Variants in FAM169A observed in about 807,000 individuals in gnomAD.
FAM169A encodes family with sequence similarity 169 member A.
FAM169A carries 24 observed loss-of-function variants against 75.7 expected under a neutral mutation model. That is an observed-to-expected ratio of 0.32 (90% CI 0.23 to 0.45). FAM169A has a LOEUF of 0.45. FAM169A is among the 20% of genes least tolerant of loss of function. The probability of loss-of-function intolerance (pLI) is 1.00; values close to 1 mark genes in which losing one functional copy is unlikely to be tolerated. For missense variants in FAM169A, 673 were observed against 784.0 expected, an observed-to-expected ratio of 0.86 and a Z score of 1.69; for synonymous variants, 271 against 271.0, an observed-to-expected ratio of 1.00 and a Z score of 0.00.
At chr5:74,795,957 C>A in intron 11 of FAM169A, 73 bp downstream of exon 11, 2 of 1,476,546 alleles carry the variant, frequency 1.4e-6, no homozygotes, top group Non-Finnish European at 1.8e-6. Flanking sequence ...CTATACTTTT[C>A]TAACAACATG....
intron 5 of FAM169A, among the ~76,000 whole-genome samples, chr5:74,829,678 C>T (rs530063932): frequency 5.6e-4 from 85 of 152,062 alleles, no homozygotes; most frequent in Non-Finnish European, 9.4e-4. Context: ...TTAAACGACC[C>T]TTTACAAGAA....
At chr5:74,844,219 G>A (rs1749029795) in intron 1 of FAM169A, among the ~76,000 whole-genome samples, 2 of 152,160 alleles carry the variant, frequency 1.3e-5, no homozygotes, top group African/African-American at 4.8e-5. Flanking sequence ...CACTTTGGGA[G>A]GCCAAGGAGG....
At chr5:74,791,316 G>A (rs1178161591) in intron 11 of FAM169A, among the ~76,000 whole-genome samples, 1 of 152,226 alleles carries the variant, frequency 6.6e-6, no homozygotes, top group Non-Finnish European at 1.5e-5. Context: ...CAGGAATCCA[G>A]GGGTAAAAGT....
chr5:74,804,604 T>C lies in FAM169A; in HGVS notation c.801A>G (p.Ala267=). The change falls in exon 8 of 13, where the codon GCA becomes GCG. Residue 267 remains alanine (A), a splice_region_variant and synonymous_variant. Transcript: ENST00000687041. The stretch of plus-strand genomic sequence containing the variant: ...GTCTTTTAGGTTCATTTTGAGAAAG[T>C]GCTGCGTATAGAAGAATTTTAAAAA... ...ALQREALKIL[A]LSQNEPKRPM... 1 of 1,549,590 alleles carries C rather than the reference T, an allele frequency of 6.5e-7. No homozygotes were observed. Among genetic ancestry groups the C allele is most frequent in the Non-Finnish European group, 8.9e-7 (1 of 1,124,290 alleles).
At chr5:74,830,778 CTACT>C (rs766610561) in intron 5 of FAM169A, among the ~76,000 whole-genome samples, 2 of 151,888 alleles carry the variant, frequency 1.3e-5, no homozygotes, top group Non-Finnish European at 2.9e-5. Context: ...GAAAATTAAC[CTACT>C]AAGAATAAAT....
At chr5:74,826,820 A>G (rs1748054167) in intron 5 of FAM169A, among the ~76,000 whole-genome samples, 1 of 152,186 alleles carries the variant, frequency 6.6e-6, no homozygotes, top group Non-Finnish European at 1.5e-5. Flanking sequence ...CAAATTTCAC[A>G]CATTATTCCA....
In FAM169A at chr5:74,796,163, G is replaced by A. The variant is rs1408787197; in HGVS notation, c.1127C>T (p.Ser376Leu). ...INKLESTARPSESSEEFLEEE... is the reference protein window; with the variant it reads ...INKLESTARPLESSEEFLEEE... ...TTCCAGGAATTCTTCTGAGCTCTCT[G>A]ATGGGCGTGCAGTAGACTCCAATCT... Residue 376 changes from serine to leucine, a missense_variant, in exon 11 of 13, where the codon TCA becomes TTA. Ser to Leu is a moderately radical substitution (Grantham distance 145). Coordinates refer to ENST00000687041, the MANE Select transcript of FAM169A (RefSeq NM_001376049.1). 2 of 1,613,592 alleles carry A rather than the reference G, an allele frequency of 1.2e-6. No homozygotes were observed. The highest frequency in any genetic ancestry group is 2.2e-5 in the East Asian group (1 of 44,868).
intron 1 of FAM169A, among the ~76,000 whole-genome samples, chr5:74,855,672 T>A (rs137942047): frequency 1.3e-5 from 2 of 152,244 alleles, no homozygotes; most frequent in African/African-American, 2.4e-5. Context: ...GTTCCTTATA[T>A]ATTCTGGTTA....
chr5:74,833,621 T>C (rs1580141263), intron 5 of FAM169A, among the ~76,000 whole-genome samples: 2 of 152,204 alleles, frequency 1.3e-5, no homozygotes, highest in Non-Finnish European at 2.9e-5. Flanking sequence ...ATCTTTAGAC[T>C]GGATGTGACC....
At chr5:74,846,576 A>G (rs1749167545) in intron 1 of FAM169A, among the ~76,000 whole-genome samples, 1 of 152,192 alleles carries the variant, frequency 6.6e-6, no homozygotes, top group Non-Finnish European at 1.5e-5. Context: ...TGAAAAGGAG[A>G]AAATTCTATT....
chr5:74,830,947 G>A (rs1346227461), intron 5 of FAM169A, among the ~76,000 whole-genome samples: 1 of 152,090 alleles, frequency 6.6e-6, no homozygotes, highest in Admixed American at 6.6e-5. Flanking sequence ...AACACTACCT[G>A]CATTTACTCT....
intron 4 of FAM169A, among the ~76,000 whole-genome samples, chr5:74,838,602 C>G (rs903097055): frequency 6.6e-6 from 1 of 152,220 alleles, no homozygotes; most frequent in East Asian, 1.9e-4. Context: ...TGAAGAGGCC[C>G]TACTAATAAA....
rs769234817 is a variant in FAM169A, at chr5:74,778,714, AC to A, written c.*2745del. ...AATTGAATAATTTAAACTTGAAAGA[AC>A]TAAAATACTAATAACCATCTGCTTT... On this transcript the variant is annotated 3_prime_UTR_variant, in exon 13 of 13. Coordinates refer to ENST00000687041, the MANE Select transcript of FAM169A (RefSeq NM_001376049.1). 2 of 152,116 alleles carry A rather than the reference AC, an allele frequency of 1.3e-5. No homozygotes were observed. Among genetic ancestry groups the A allele is most frequent in the Non-Finnish European group, 2.9e-5 (2 of 67,930 alleles). The allele number at this position is 152,116 out of a possible 1,614,324, so 9.4% of individuals were successfully genotyped here.
At chr5:74,860,938 C>T (rs1434356992) in intron 1 of FAM169A, among the ~76,000 whole-genome samples, 1 of 151,758 alleles carries the variant, frequency 6.6e-6, no homozygotes, top group African/African-American at 2.4e-5. Flanking sequence ...GAGTTTGAGA[C>T]CAGCCTGGCC....
In FAM169A at chr5:74,796,087, T is replaced by C. The variant is rs762974590; in HGVS notation, c.1203A>G (p.Arg401=). The change falls in exon 11 of 13, where the codon AGA becomes AGG. Residue 401 remains arginine, a synonymous_variant. Coordinates refer to ENST00000687041, the MANE Select transcript of FAM169A (RefSeq NM_001376049.1). The part of the protein sequence containing the change: ...GIEFEDESSD[R]DARPALETQP... ...GGGTTTCCAGTGCTGGCCGTGCATC[T>C]CTATCACTGCTTTCATCCTCAAATT... 1.2e-6 allele frequency: 2 copies of C among 1,614,060 alleles called. No individual in the cohort carries two copies. Among genetic ancestry groups the C allele is most frequent in the African/African-American group, 1.3e-5 (1 of 74,936 alleles).
At chr5:74,850,253 G>A (rs114602885) in intron 1 of FAM169A, among the ~76,000 whole-genome samples, 2,191 of 152,254 alleles carry the variant, frequency 0.014, 50 homozygotes, top group African/African-American at 0.046. Flanking sequence ...ATTTGAACCC[G>A]GCAGTCGGAC....
chr5:74,841,422 A>G, intron 2 of FAM169A, 123 bp downstream of exon 2: 1 of 725,200 alleles, frequency 1.4e-6, no homozygotes, highest in Non-Finnish European at 2.1e-6. Context: ...TACTGAATAG[A>G]TTTCTGTAAA....
chr5:74,800,575 T>C lies in FAM169A; in HGVS notation c.1103+305A>G, dbSNP rs529753210. Among the ~76,000 whole-genome samples, 17 of 152,136 alleles carry C rather than the reference T, an allele frequency of 1.1e-4. No individual in the cohort carries two copies. In the East Asian group the frequency reaches 3.1e-3, roughly 28 times the overall value. ...TTATTAGCAGCTTCTCCCAATAGCATTGTCAAGGCAACACTTAGCACTGAT... is the reference window on the plus strand; with the variant it reads ...TTATTAGCAGCTTCTCCCAATAGCACTGTCAAGGCAACACTTAGCACTGAT... On this transcript the variant is annotated intron_variant, in intron 10 of 12. Transcript: ENST00000687041.
intron 11 of FAM169A, among the ~76,000 whole-genome samples, chr5:74,785,931 A>T (rs1475337507): frequency 6.6e-6 from 1 of 152,204 alleles, no homozygotes; most frequent in Non-Finnish European, 1.5e-5. Context: ...GAAGGATGCA[A>T]GGTATTGTTC....
Sources: gnomAD v4.1 joint callset for allele counts (sites outside exome capture counted in the v4.1 genomes callset) on GRCh38, gnomAD v4.1.1 for gene constraint, MANE v1.5 for transcripts, NCBI Gene and HGNC (gene_info 2026-07-23, HGNC 2026-07-21) for gene names.